Variants in DAPK2 observed in about 807,000 individuals in gnomAD.
DAPK2 encodes death associated protein kinase 2.
In DAPK2, 35 loss-of-function variants were observed where a neutral mutation model predicts 44.1. The observed-to-expected ratio is 0.79, with a 90% CI of 0.61 to 1.05. The LOEUF (loss-of-function observed/expected upper bound fraction) is 1.05. Among genes scored for constraint, DAPK2 ranks in the 50% least tolerant of loss-of-function variants. The probability of loss-of-function intolerance (pLI) is 0.00; values close to 1 mark genes in which losing one functional copy is unlikely to be tolerated. For missense variants in DAPK2, 453 were observed against 483.2 expected (o/e 0.94, Z 0.59); for synonymous variants, 174 against 182.6 (o/e 0.95, Z 0.38).
Position 63,908,669 on chromosome 15 carries a change from G to A in DAPK2, c.1033-69C>T. 7.3e-7 allele frequency: 1 copy of A among 1,360,992 alleles called. No individual in the cohort carries two copies. The highest frequency in any genetic ancestry group is 9.8e-7 in the Non-Finnish European group (1 of 1,018,128). The allele number at this position is 1,360,992 out of a possible 1,614,324, so 84.3% of individuals were successfully genotyped here. On this transcript the variant is annotated intron_variant, in intron 10 of 10. Coordinates refer to ENST00000261891, the Ensembl canonical transcript of DAPK2. The surrounding 1 kb of genome is among the most constrained non-coding windows in gnomAD (Gnocchi z 5.7). ...GAGACGCCAGGAATGGGGCTGTGCT[G>A]GGCAACCTGGGTTGATTCACCTGGA...
At chr15:63,934,842 G>A (rs929730154) in intron 4 of DAPK2, among the ~76,000 whole-genome samples, 1 of 152,168 alleles carries the variant, frequency 6.6e-6, no homozygotes, top group Non-Finnish European at 1.5e-5. Context: ...TTACAGGCGT[G>A]AGTCACTACG....
Position 64,036,319 on chromosome 15 carries a change from GTA to G in DAPK2, c.92+3849_92+3850del, listed in dbSNP as rs57218056. Among the ~76,000 whole-genome samples, 50 of 56,638 alleles carry G rather than the reference GTA, an allele frequency of 8.8e-4. 1 individual carries two copies. The highest frequency in any genetic ancestry group is 1.9e-3 in the South Asian group (4 of 2,152). 37.2% of individuals were successfully genotyped at this position (56,638 alleles called of 152,430 possible). On this transcript the variant is annotated intron_variant, in intron 1 of 10. Transcript: ENST00000261891. The stretch of plus-strand genomic sequence containing the variant: ...TGTGTGTGTGTGTGTGTATATATAT[GTA>G]TATATATATATATATACATATATAT...
chr15:63,920,590 T>G (rs1372313655), intron 8 of DAPK2: 1 of 152,216 alleles, frequency 6.6e-6, no homozygotes, highest in East Asian at 1.9e-4. Flanking sequence ...GAAATGATCC[T>G]TCATGCATAT....
intron 1 of DAPK2, among the ~76,000 whole-genome samples, chr15:64,012,611 C>T (rs1283989532): frequency 6.6e-6 from 1 of 152,214 alleles, no homozygotes; most frequent in Non-Finnish European, 1.5e-5. Flanking sequence ...TGGGAAAATA[C>T]ACAAGATTAA....
chr15:64,028,164 T>C (rs146318723), intron 1 of DAPK2, among the ~76,000 whole-genome samples: 245 of 152,326 alleles, frequency 1.6e-3, no homozygotes, highest in Middle Eastern at 6.8e-3. Context: ...GTTCAAGTGA[T>C]TCTCTGGCCT....
chr15:64,014,701 C>T (rs1280534488), intron 1 of DAPK2, among the ~76,000 whole-genome samples: 2 of 152,308 alleles, frequency 1.3e-5, no homozygotes, highest in African/African-American at 2.4e-5. Flanking sequence ...AGGTGGATCA[C>T]CTGAGGTCAG....
rs116521860 is a variant in DAPK2, at chr15:64,007,153, C to A, written c.93-23399G>T. Among the ~76,000 whole-genome samples, 1,153 of 151,910 alleles carry A rather than the reference C, an allele frequency of 7.6e-3. 14 individuals carry two copies. The highest frequency in any genetic ancestry group is 0.024 in the African/African-American group (1,009 of 41,382). ...GAAAAAAAAATTTTTTTTTTAGAGA[C>A]GGGGTCTCACTATGTCATCCTGGCT... On this transcript the variant is annotated intron_variant, in intron 1 of 10. Coordinates refer to ENST00000261891, the Ensembl canonical transcript of DAPK2.
intron 1 of DAPK2, among the ~76,000 whole-genome samples, chr15:64,027,046 C>G (rs552099889): frequency 2.2e-4 from 34 of 152,220 alleles, no homozygotes; most frequent in Admixed American, 2.0e-3. Context: ...GAGTTCAAGA[C>G]CAGCCTGGAC....
chr15:64,017,645 TCTCCAAGC>T (rs2079566994), intron 1 of DAPK2, among the ~76,000 whole-genome samples: 1 of 152,204 alleles, frequency 6.6e-6, no homozygotes, highest in African/African-American at 2.4e-5. Flanking sequence ...CCACTTAACA[TCTCCAAGC>T]CTCGGTTTTC....
intron 8 of DAPK2, among the ~76,000 whole-genome samples, chr15:63,913,292 A>G (rs1012753247): frequency 6.6e-6 from 1 of 152,228 alleles, no homozygotes; most frequent in Non-Finnish European, 1.5e-5. Flanking sequence ...TGGTTACACA[A>G]CCTTGTGAGT....
chr15:63,970,299 T>C (rs1360291537), intron 3 of DAPK2, among the ~76,000 whole-genome samples: 1 of 152,224 alleles, frequency 6.6e-6, no homozygotes, highest in Non-Finnish European at 1.5e-5. Context: ...ACACTTCCCA[T>C]GCCTGTACTT....
intron 1 of DAPK2, among the ~76,000 whole-genome samples, chr15:64,024,475 G>A (rs1365759351): frequency 1.3e-5 from 2 of 152,174 alleles, no homozygotes; most frequent in African/African-American, 2.4e-5. Context: ...CTGGAAAAGT[G>A]GAGACTCAGA....
chr15:63,908,421 G>A lies in DAPK2; in HGVS notation c.*99C>T, dbSNP rs1239376867. The A allele has an allele frequency of 1.1e-4, 75 of 682,374 alleles. No individual in the cohort carries two copies. Among genetic ancestry groups the A allele is most frequent in the Non-Finnish European group, 6.9e-6 (3 of 434,908 alleles). 42.3% of individuals were successfully genotyped at this position (682,374 alleles called of 1,614,324 possible). On this transcript the variant is annotated 3_prime_UTR_variant, in exon 11 of 11. Coordinates refer to ENST00000261891, the Ensembl canonical transcript of DAPK2. This position sits in a 1 kb window ranked among gnomAD's most constrained non-coding sequence, Gnocchi z 5.7. ...CCCATCTCTCTTGCAAAGTGCTCAG[G>A]ACGCCCGGGTGCTGGTGCTGAGCTG... is the stretch of plus-strand genomic sequence containing the variant.
chr15:64,016,459 G>A (rs1441259458), intron 1 of DAPK2, among the ~76,000 whole-genome samples: 3 of 152,186 alleles, frequency 2.0e-5, no homozygotes, highest in African/African-American at 7.2e-5. Flanking sequence ...TCTGTAAAGT[G>A]GGGTAAATAA....
Position 63,908,865 on chromosome 15 carries a change from A to G in DAPK2, c.1033-265T>C, listed in dbSNP as rs1013998386. On this transcript the variant is annotated intron_variant, in intron 10 of 10. Coordinates refer to ENST00000261891, the Ensembl canonical transcript of DAPK2. The surrounding 1 kb of genome is among the most constrained non-coding windows in gnomAD (Gnocchi z 5.7). ...ATCAGGAGAGGCCAAATTATAATAAAGAAAATTACATCTAGTTCCCTTTGT... is the reference window on the plus strand; with the variant it reads ...ATCAGGAGAGGCCAAATTATAATAAGGAAAATTACATCTAGTTCCCTTTGT... The G allele has an allele frequency of 2.5e-5, 7 of 277,210 alleles. No homozygotes were observed. The highest frequency in any genetic ancestry group is 1.1e-4 in the African/African-American group (5 of 45,140). 17.2% of individuals were successfully genotyped at this position (277,210 alleles called of 1,614,324 possible). A position where few individuals can be genotyped will look rare whatever the true frequency, so the allele number is the denominator to read the frequency against.
At chr15:63,929,209 A>G (rs2079430854) in intron 6 of DAPK2, among the ~76,000 whole-genome samples, 1 of 152,088 alleles carries the variant, frequency 6.6e-6, no homozygotes, top group Non-Finnish European at 1.5e-5. Context: ...AAAAAAAAAA[A>G]AAAAAGAGTT....
At chr15:63,930,694 G>C (rs1228523616) in intron 4 of DAPK2, among the ~76,000 whole-genome samples, 1 of 152,146 alleles carries the variant, frequency 6.6e-6, no homozygotes, top group Non-Finnish European at 1.5e-5. Context: ...ATAGTATTAA[G>C]AAGTAGAGTC....
intron 1 of DAPK2, among the ~76,000 whole-genome samples, chr15:63,992,806 A>G (rs2078854313): frequency 6.6e-6 from 1 of 152,178 alleles, no homozygotes; most frequent in Non-Finnish European, 1.5e-5. Flanking sequence ...TGAGTTCCTG[A>G]CAGTCAGATG....
At chr15:63,958,206 T>C (rs1449914921) in intron 3 of DAPK2, among the ~76,000 whole-genome samples, 2 of 152,142 alleles carry the variant, frequency 1.3e-5, no homozygotes, top group African/African-American at 4.8e-5. Context: ...GGAGTTGTTT[T>C]TTTTTCTTGT....
Sources: gnomAD v4.1 joint callset for allele counts (sites outside exome capture counted in the v4.1 genomes callset) on GRCh38, gnomAD v4.1.1 for gene constraint, Gnocchi (gnomAD v3.1) non-coding constraint, MANE v1.5 for transcripts, NCBI Gene and HGNC (gene_info 2026-07-23, HGNC 2026-07-21) for gene names.